The following SOX6 variants were observed in gnomAD, a reference collection of about 807,000 sequenced individuals.
SOX6 encodes SRY-box transcription factor 6.
SOX6 carries 11 observed loss-of-function variants against 97.8 expected under a neutral mutation model. The ratio of observed to expected loss-of-function variants is 0.11; its 90% CI spans 0.07 to 0.19. The LOEUF is 0.19. Ranked by LOEUF, SOX6 falls within the 10% of genes least tolerant of loss-of-function variation. SOX6 has a pLI of 1.00. For synonymous variants in SOX6, 360 were observed against 371.4 expected (o/e 0.97, Z 0.35); for missense variants, 810 against 1,039.5 (o/e 0.78, Z 3.04).
chr11:16,012,103 G>T (rs1854750070), intron 13 of SOX6, among the ~76,000 whole-genome samples: 1 of 151,888 alleles, frequency 6.6e-6, no homozygotes, highest in Admixed American at 6.6e-5. Flanking sequence ...TTGGCTGGTT[G>T]TTTTTTTAGA....
intron 1 of SOX6, among the ~76,000 whole-genome samples, chr11:16,374,955 A>C (rs565225618): frequency 2.6e-5 from 4 of 152,202 alleles, no homozygotes; most frequent in South Asian, 4.1e-4. Flanking sequence ...GTTTTAAAAA[A>C]AGGAGACAAC....
chr11:16,369,062 T>C (rs1449594594), intron 1 of SOX6, among the ~76,000 whole-genome samples: 1 of 151,742 alleles, frequency 6.6e-6, no homozygotes, highest in Non-Finnish European at 1.5e-5. Flanking sequence ...GAGACTCTGT[T>C]CTCCACAAAA....
chr11:15,978,550 T>C (rs1349411881), intron 15 of SOX6, among the ~76,000 whole-genome samples: 1 of 151,416 alleles, frequency 6.6e-6, no homozygotes, highest in Non-Finnish European at 1.5e-5. Context: ...TTCCTTCCCA[T>C]CTCCCTGCCA....
chr11:16,620,019 C>G (rs1288186611), intron 3 of SOX6, among the ~76,000 whole-genome samples: 1 of 151,984 alleles, frequency 6.6e-6, no homozygotes, highest in Non-Finnish European at 1.5e-5. Context: ...TATATAAAGA[C>G]CATTATTACT....
intron 3 of SOX6, among the ~76,000 whole-genome samples, chr11:16,270,654 AACACACACAC>A (rs57034455): frequency 1.3e-5 from 2 of 149,274 alleles, no homozygotes; most frequent in Admixed American, 6.7e-5. Context: ...CACACACACA[AACACACACAC>A]ACACAGGAAT....
chr11:16,179,414 T>C (rs1460567391), intron 6 of SOX6, among the ~76,000 whole-genome samples: 1 of 151,926 alleles, frequency 6.6e-6, no homozygotes, highest in African/African-American at 2.4e-5. Flanking sequence ...AAGATAATCA[T>C]ATATGCTTAA....
At chr11:16,399,251 G>A (rs968326530) in intron 1 of SOX6, among the ~76,000 whole-genome samples, 1 of 151,148 alleles carries the variant, frequency 6.6e-6, no homozygotes, top group Admixed American at 6.6e-5. Flanking sequence ...AAACATAAGG[G>A]ATTACTGTAG....
At chr11:16,644,989 AT>A (rs1848989703) in intron 3 of SOX6, among the ~76,000 whole-genome samples, 1 of 152,192 alleles carries the variant, frequency 6.6e-6, no homozygotes, top group South Asian at 2.1e-4. Flanking sequence ...GATGTGATTG[AT>A]ATACTACTTT....
intron 6 of SOX6, among the ~76,000 whole-genome samples, chr11:16,140,011 A>G (rs1005665908): frequency 6.7e-6 from 1 of 150,370 alleles, no homozygotes; most frequent in Non-Finnish European, 1.5e-5. Context: ...AAAAATAAGT[A>G]TATGTGTGTG....
intron 2 of SOX6, among the ~76,000 whole-genome samples, chr11:16,332,696 T>C (rs1856343004): frequency 6.6e-6 from 1 of 152,208 alleles, no homozygotes; most frequent in Admixed American, 6.5e-5. Context: ...GAATTTAGAA[T>C]GTGGTTTACA....
rs1849237326 is a variant in SOX6 at position 16,111,830 on chromosome 11, A to G, written c.871T>C (p.Phe291Leu). The change falls in exon 7 of 16, where the codon TTC becomes CTC. Residue 291 changes from phenylalanine to leucine, a missense_variant. Phe to Leu is a conservative substitution (Grantham distance 22). Around this residue, in one of 9 missense-constraint regions of SOX6, gnomAD observed 244 missense variants for 261.0 expected, o/e 0.93. Transcript: ENST00000683767. ...GGTTTGTATGTTATTCCAGGGGGGA[A>G]GAGGAATCCCTGTTGGGCAGCAGCA... ...AAAAAQQGFL[F>L]PPGITYKPGD... 3 of 1,613,000 alleles carry G rather than the reference A, an allele frequency of 1.9e-6. No homozygotes were observed. The highest frequency in any genetic ancestry group is 1.9e-4 in the Middle Eastern group (1 of 5,322).
chr11:16,149,174 A>G (rs1045490503), intron 6 of SOX6, among the ~76,000 whole-genome samples: 1 of 152,166 alleles, frequency 6.6e-6, no homozygotes, highest in African/African-American at 2.4e-5. Context: ...CACATTTTTT[A>G]ATATACAAAT....
At chr11:16,371,542 T>C (rs976452518) in intron 1 of SOX6, among the ~76,000 whole-genome samples, 6 of 152,104 alleles carry the variant, frequency 3.9e-5, no homozygotes, top group African/African-American at 1.4e-4. Context: ...GATTTCTGTT[T>C]TGATCATTGA....
chr11:16,318,279 A>C (rs1855810141), intron 3 of SOX6, 167 bp downstream of exon 3: 1 of 694,798 alleles, frequency 1.4e-6, no homozygotes. Flanking sequence ...TAACACTCCT[A>C]ATGGATCAAA....
chr11:16,401,932 T>G, intron 1 of SOX6, among the ~76,000 whole-genome samples: 1 of 151,502 alleles, frequency 6.6e-6, no homozygotes, highest in East Asian at 1.9e-4. Context: ...ATGTTTTTGC[T>G]TAAAAAAGAA....
At chr11:16,217,600 C>T (rs1245456443) in intron 4 of SOX6, among the ~76,000 whole-genome samples, 2 of 152,064 alleles carry the variant, frequency 1.3e-5, no homozygotes, top group Admixed American at 6.6e-5. Flanking sequence ...TATAAGTAAC[C>T]ATATAGTTTC....
At chr11:16,714,206 A>T (rs1848201216) in intron 3 of SOX6, among the ~76,000 whole-genome samples, 2 of 152,240 alleles carry the variant, frequency 1.3e-5, no homozygotes, top group African/African-American at 4.8e-5. Flanking sequence ...AGGTTTATGT[A>T]GACTATCCTA....
chr11:16,059,987 T>C (rs1022840787), intron 9 of SOX6, among the ~76,000 whole-genome samples: 1 of 151,936 alleles, frequency 6.6e-6, no homozygotes, highest in African/African-American at 2.4e-5. Flanking sequence ...TATCCTACTA[T>C]GAGTATTAAA....
At chr11:16,193,625 G>A (rs1235240470) in intron 4 of SOX6, among the ~76,000 whole-genome samples, 3 of 152,166 alleles carry the variant, frequency 2.0e-5, no homozygotes, top group African/African-American at 4.8e-5. Flanking sequence ...CACTGACACT[G>A]GAGTGGAGTT....
Sources: gnomAD v4.1 joint callset for allele counts (sites outside exome capture counted in the v4.1 genomes callset) on GRCh38, gnomAD v4.1.1 for gene constraint, gnomAD v4.1.1 regional missense constraint, MANE v1.5 for transcripts, NCBI Gene and HGNC (gene_info 2026-07-23, HGNC 2026-07-21) for gene names.